Variants in ELL observed in about 807,000 individuals in gnomAD.
ELL encodes RNA polymerase II elongation factor ELL.
A neutral mutation model predicts 64.0 loss-of-function variants in ELL; 18 were observed. The ratio of observed to expected loss-of-function variants is 0.28; its 90% CI spans 0.19 to 0.42. The LOEUF (loss-of-function observed/expected upper bound fraction) is 0.42. Ranked by LOEUF, ELL falls within the 10% of genes least tolerant of loss-of-function variation. ELL has a pLI of 1.00. For missense variants in ELL, 797 were observed against 870.4 expected (o/e 0.92, Z 1.06); for synonymous variants, 399 against 376.2 (o/e 1.06, Z -0.70).
intron 1 of ELL, among the ~76,000 whole-genome samples, chr19:18,503,858 C>T (rs1294271571): frequency 1.3e-5 from 2 of 152,178 alleles, no homozygotes; most frequent in Non-Finnish European, 2.9e-5. Context: ...CACTCCCGTT[C>T]AGAATGCACC....
chr19:18,459,974 G>A (rs1229420248), intron 5 of ELL, among the ~76,000 whole-genome samples: 5 of 152,202 alleles, frequency 3.3e-5, no homozygotes, highest in Non-Finnish European at 7.3e-5. Context: ...AGATTAGTAG[G>A]TCAAAGGCTG....
chr19:18,456,529 T>C (rs535529287), intron 6 of ELL, among the ~76,000 whole-genome samples: 1 of 152,046 alleles, frequency 6.6e-6, no homozygotes, highest in Non-Finnish European at 1.5e-5. Context: ...GAGGAGTATA[T>C]AGACTCTGGC....
intron 11 of ELL, 67 bp from the exon 12 acceptor site, chr19:18,444,935 C>A: frequency 3.3e-6 from 5 of 1,510,222 alleles, no homozygotes; most frequent in Non-Finnish European, 3.6e-6. Flanking sequence ...TGTAAGCAGG[C>A]CAGTGTCCCC....
At chr19:18,520,555 C>T (rs1479970638) in intron 1 of ELL, among the ~76,000 whole-genome samples, 1 of 151,784 alleles carries the variant, frequency 6.6e-6, no homozygotes, top group Non-Finnish European at 1.5e-5. Context: ...TGCCCAAAGA[C>T]ATGGGAAGAA....
intron 8 of ELL, among the ~76,000 whole-genome samples, chr19:18,447,073 G>A (rs1202744315): frequency 1.3e-5 from 2 of 152,216 alleles, no homozygotes; most frequent in Non-Finnish European, 2.9e-5. Context: ...GCAAAGCCCT[G>A]CAGGACACAG....
chr19:18,520,246 A>G (rs1976233903), intron 1 of ELL, among the ~76,000 whole-genome samples: 1 of 152,158 alleles, frequency 6.6e-6, no homozygotes, highest in Non-Finnish European at 1.5e-5. Context: ...AGTCCATCGT[A>G]GTTATATGAC....
At chr19:18,446,690 AG>A in intron 9 of ELL, 57 bp downstream of exon 9, 2 of 1,595,446 alleles carry the variant, frequency 1.3e-6, no homozygotes, top group Non-Finnish European at 1.7e-6. Flanking sequence ...GTGCTGGGGG[AG>A]GGGGTCTGAA....
At position 18,459,321 on chromosome 19, in the gene ELL, C is replaced by T. The variant is rs961716837; in HGVS notation, c.745-992G>A. 2.6e-5 allele frequency among the ~76,000 whole-genome samples: 4 copies of T among 152,164 alleles called. No homozygotes were observed. In the East Asian group the frequency reaches 7.7e-4, roughly 29 times the overall value. Reference sequence around the variant, plus strand: ...GTTGCCGGTTGACCAAAGCTAAGTTCGTCTCCCAGACTGCTAACAAAGATG... The same window carrying T: ...GTTGCCGGTTGACCAAAGCTAAGTTTGTCTCCCAGACTGCTAACAAAGATG... On this transcript the variant is annotated intron_variant, in intron 5 of 11. Coordinates refer to ENST00000262809, the MANE Select transcript of ELL (RefSeq NM_006532.4).
intron 1 of ELL, among the ~76,000 whole-genome samples, chr19:18,490,872 C>T (rs1408410324): frequency 6.6e-6 from 1 of 152,182 alleles, no homozygotes; most frequent in Non-Finnish European, 1.5e-5. Flanking sequence ...CTCCACTGGC[C>T]TGGGGAGGAG....
At chr19:18,469,669 A>G (rs1975021626) in intron 2 of ELL, among the ~76,000 whole-genome samples, 1 of 152,216 alleles carries the variant, frequency 6.6e-6, no homozygotes, top group Non-Finnish European at 1.5e-5. Flanking sequence ...CCATGCTCAC[A>G]GACACAGAGC....
chr19:18,463,893 G>A (rs1398760701), intron 4 of ELL, among the ~76,000 whole-genome samples: 1 of 151,972 alleles, frequency 6.6e-6, no homozygotes, highest in Non-Finnish European at 1.5e-5. Context: ...GGCTGAGGCA[G>A]GAGAATGGCG....
intron 1 of ELL, among the ~76,000 whole-genome samples, chr19:18,498,215 G>C (rs1220833558): frequency 1.3e-5 from 2 of 152,140 alleles, no homozygotes; most frequent in Admixed American, 6.5e-5. Flanking sequence ...AATGGGGGAG[G>C]CTGCAGGTGC....
At chr19:18,506,452 T>C (rs1269431706) in intron 1 of ELL, among the ~76,000 whole-genome samples, 1 of 152,180 alleles carries the variant, frequency 6.6e-6, no homozygotes, top group African/African-American at 2.4e-5. Context: ...CTCGGCTGGG[T>C]GCCATGGCTC....
intron 1 of ELL, among the ~76,000 whole-genome samples, chr19:18,489,234 C>T (rs892327799): frequency 2.0e-5 from 3 of 152,218 alleles, no homozygotes; most frequent in African/African-American, 7.2e-5. Flanking sequence ...TAGGTCAGAA[C>T]ATGGTGCAGG....
chr19:18,507,865 G>A (rs1196554151), intron 1 of ELL, among the ~76,000 whole-genome samples: 1 of 152,190 alleles, frequency 6.6e-6, no homozygotes, highest in Admixed American at 6.6e-5. Flanking sequence ...CCCATCTGGA[G>A]GCAGACGCCT....
rs146491766 is a variant in ELL at position 18,464,597 on chromosome 19, G to T, written c.469+815C>A. Among the ~76,000 whole-genome samples, 76 of 152,290 alleles carry T rather than the reference G, an allele frequency of 5.0e-4. 1 individual carries two copies. Among genetic ancestry groups the T allele is most frequent in the Non-Finnish European group, 5.1e-4 (35 of 68,028 alleles). ...CCTCTGCTCAGCAAAGGGAAATCAC[G>T]TGCTTTCTTCGGAAGGAGGAGAGAG... On this transcript the variant is annotated intron_variant, in intron 4 of 11. Coordinates refer to ENST00000262809, the MANE Select transcript of ELL (RefSeq NM_006532.4).
At chr19:18,485,302 C>T (rs949850729) in intron 1 of ELL, among the ~76,000 whole-genome samples, 7 of 152,172 alleles carry the variant, frequency 4.6e-5, no homozygotes, top group Non-Finnish European at 8.8e-5. Flanking sequence ...TGTGTGCCTT[C>T]GACCTGTCAG....
chr19:18,463,325 C>CTTTTTT (rs34610795), intron 4 of ELL, among the ~76,000 whole-genome samples: 7 of 73,272 alleles, frequency 9.6e-5, no homozygotes, highest in Non-Finnish European at 1.2e-4. Flanking sequence ...ACATTCACAT[C>CTTTTTT]TTTTTTTTTT....
At chr19:18,506,198 GC>G (rs1243131100) in intron 1 of ELL, among the ~76,000 whole-genome samples, 1 of 152,200 alleles carries the variant, frequency 6.6e-6, no homozygotes, top group Non-Finnish European at 1.5e-5. Context: ...CTTGGAACCA[GC>G]CCCCCACAGT....
Sources: gnomAD v4.1 joint callset for allele counts (sites outside exome capture counted in the v4.1 genomes callset) on GRCh38, gnomAD v4.1.1 for gene constraint, MANE v1.5 for transcripts, NCBI Gene and HGNC (gene_info 2026-07-23, HGNC 2026-07-21) for gene names.